CNOT6: variants seen among roughly 807,000 people sequenced by gnomAD.
The protein encoded by CNOT6 is CCR4-NOT transcription complex subunit 6.
A neutral mutation model predicts 61.2 loss-of-function variants in CNOT6; 12 were observed. That is an observed-to-expected ratio of 0.20 (90% CI 0.13 to 0.32). The LOEUF is 0.32. Ranked by LOEUF, CNOT6 falls within the 10% of genes least tolerant of loss-of-function variation. CNOT6 has a pLI of 1.00. For missense variants in CNOT6, 405 were observed against 663.9 expected (o/e 0.61, Z 4.28); for synonymous variants, 225 against 240.6 (o/e 0.94, Z 0.60).
chr5:180,550,561 G>T (rs1053102106), intron 3 of CNOT6, among the ~76,000 whole-genome samples: 1 of 152,184 alleles, frequency 6.6e-6, no homozygotes, highest in Admixed American at 6.5e-5. Context: ...TTATAGTTTT[G>T]TTTTTGGGAA....
intron 3 of CNOT6, among the ~76,000 whole-genome samples, chr5:180,550,631 T>C (rs1157396518): frequency 6.6e-6 from 1 of 152,204 alleles, no homozygotes; most frequent in Non-Finnish European, 1.5e-5. Flanking sequence ...TTAATTACTG[T>C]ATTTTGTGTA....
At chr5:180,569,386 A>G in intron 10 of CNOT6, 46 bp downstream of exon 10, 1 of 1,387,048 alleles carries the variant, frequency 7.2e-7, no homozygotes, top group South Asian at 1.2e-5. Context: ...TTGACATAAG[A>G]TGATTTAGTA....
rs528065246 is a variant in CNOT6, at chr5:180,541,677, C to T, written c.113-8254C>T. Among the ~76,000 whole-genome samples the T allele has an allele frequency of 6.6e-5, 10 of 151,974 alleles. No homozygotes were observed. The East Asian group carries it at 1.5e-3, about 24-fold the overall frequency. ...CCTTGTTAGCCAGGATGGTCTCGAT[C>T]TCCTGACCTCGTGATCCACCCACCT... On this transcript the variant is annotated intron_variant, in intron 2 of 11. Transcript: ENST00000261951.
chr5:180,553,359 G>A (rs375863474), intron 3 of CNOT6, 27 bp from the exon 4 acceptor site: 15 of 1,545,124 alleles, frequency 9.7e-6, no homozygotes, highest in Non-Finnish European at 1.3e-5. Flanking sequence ...ATATTTTTCT[G>A]ACTTCCTGGA....
At chr5:180,551,872 C>CTT (rs762227651) in intron 3 of CNOT6, among the ~76,000 whole-genome samples, 7 of 140,664 alleles carry the variant, frequency 5.0e-5, no homozygotes, top group Non-Finnish European at 7.8e-5. Flanking sequence ...TTTTCTTTTT[C>CTT]TTTTTTTTTT....
In CNOT6 at chr5:180,494,471, G is replaced by A. The variant is rs1756491182; in HGVS notation, c.-295G>A. The A allele has an allele frequency of 6.4e-6, 1 of 156,370 alleles. No individual in the cohort carries two copies. The allele number at this position is 156,370 out of a possible 1,614,324, so 9.7% of individuals were successfully genotyped here. A position where few individuals can be genotyped will look rare whatever the true frequency, so the allele number is the denominator to read the frequency against. ...AGGCGGCGGCGTCGGTGGCGGCGGC[G>A]ACGGCGGCGCGGAGGCGAAGGCAGC... On this transcript the variant is annotated 5_prime_UTR_variant, in exon 1 of 12. Transcript: ENST00000261951.
intron 1 of CNOT6, among the ~76,000 whole-genome samples, chr5:180,514,580 GAATT>G (rs1457136650): frequency 2.0e-5 from 3 of 152,192 alleles, no homozygotes; most frequent in Non-Finnish European, 4.4e-5. Flanking sequence ...GAGGAAATGA[GAATT>G]AAAGTCCTAA....
chr5:180,506,218 G>C (rs1757126955), intron 1 of CNOT6, among the ~76,000 whole-genome samples: 1 of 152,142 alleles, frequency 6.6e-6, no homozygotes, highest in African/African-American at 2.4e-5. Context: ...TCTTCTATAA[G>C]ATAAAGGTAG....
intron 2 of CNOT6, among the ~76,000 whole-genome samples, chr5:180,540,406 A>G (rs1167176010): frequency 1.3e-5 from 2 of 152,230 alleles, no homozygotes; most frequent in Admixed American, 1.3e-4. Context: ...AACAATATAC[A>G]GGCAGTCTCT....
chr5:180,527,544 A>G, intron 1 of CNOT6, among the ~76,000 whole-genome samples: 1 of 152,210 alleles, frequency 6.6e-6, no homozygotes, highest in East Asian at 1.9e-4. Flanking sequence ...TATTTTAAAC[A>G]CGTTCCTCTA....
chr5:180,504,136 A>G (rs762672818), intron 1 of CNOT6, among the ~76,000 whole-genome samples: 3 of 152,180 alleles, frequency 2.0e-5, no homozygotes, highest in African/African-American at 7.2e-5. Context: ...AGTACTTTTC[A>G]TGCTAGTCAA....
At chr5:180,560,178 C>T in intron 4 of CNOT6, among the ~76,000 whole-genome samples, 1 of 152,064 alleles carries the variant, frequency 6.6e-6, no homozygotes, top group Non-Finnish European at 1.5e-5. Flanking sequence ...AACTCCTGAC[C>T]TCATGATCCA....
At chr5:180,506,844 C>T (rs1287441911) in intron 1 of CNOT6, among the ~76,000 whole-genome samples, 1 of 152,012 alleles carries the variant, frequency 6.6e-6, no homozygotes, top group Non-Finnish European at 1.5e-5. Flanking sequence ...CCTTTAAATT[C>T]ATATAAGCAT....
At chr5:180,558,445 G>C (rs566703042) in intron 4 of CNOT6, among the ~76,000 whole-genome samples, 1 of 151,370 alleles carries the variant, frequency 6.6e-6, no homozygotes, top group African/African-American at 2.4e-5. Flanking sequence ...CTAAAGCCGC[G>C]GCCTGGTATC....
In CNOT6 at chr5:180,549,098, A is replaced by G. The variant is rs919051876; in HGVS notation, c.113-833A>G. Among the ~76,000 whole-genome samples the G allele has an allele frequency of 9.2e-5, 14 of 152,162 alleles. 1 individual carries two copies. The highest frequency in any genetic ancestry group is 2.7e-4 in the African/African-American group (11 of 41,436). On this transcript the variant is annotated intron_variant, in intron 2 of 11. Coordinates refer to ENST00000261951, the MANE Select transcript of CNOT6 (RefSeq NM_001370472.1). Reference sequence around the variant, plus strand: ...AAGTGTTTTTACTTGTTACCATATAATACAAAATGCTGCTTAGCCATGTGG... The same window carrying G: ...AAGTGTTTTTACTTGTTACCATATAGTACAAAATGCTGCTTAGCCATGTGG...
intron 4 of CNOT6, among the ~76,000 whole-genome samples, chr5:180,562,463 G>A (rs543740139): frequency 2.0e-5 from 3 of 152,220 alleles, no homozygotes; most frequent in Admixed American, 6.5e-5. Context: ...AGTCCTGGCC[G>A]GGCGCGGTGG....
At chr5:180,497,794 A>G (rs956269162) in intron 1 of CNOT6, among the ~76,000 whole-genome samples, 143 of 152,218 alleles carry the variant, frequency 9.4e-4, no homozygotes, top group African/African-American at 3.4e-3. Flanking sequence ...CTTTAATCCC[A>G]GCACTTTGGG....
intron 1 of CNOT6, among the ~76,000 whole-genome samples, chr5:180,512,017 C>G (rs564366559): frequency 5.3e-5 from 8 of 152,312 alleles, no homozygotes; most frequent in Admixed American, 3.3e-4. Context: ...TTTGTAGTTT[C>G]ATTCAGCTGT....
chr5:180,549,135 G>C (rs1363333845), intron 2 of CNOT6, among the ~76,000 whole-genome samples: 5 of 152,178 alleles, frequency 3.3e-5, no homozygotes. Flanking sequence ...TCTTCATGCA[G>C]TTATCACTAG....
Sources: allele counts gnomAD v4.1 joint callset (sites outside exome capture counted in the v4.1 genomes callset), GRCh38; gene constraint gnomAD v4.1.1; transcripts MANE v1.5; gene names NCBI Gene and HGNC (gene_info 2026-07-23, HGNC 2026-07-21).